RYR1: variants seen among roughly 807,000 people sequenced by gnomAD.
RYR1 encodes the protein central core disease of muscle.
A neutral mutation model predicts 583.5 loss-of-function variants in RYR1; 342 were observed. The ratio of observed to expected loss-of-function variants is 0.59; its 90% CI spans 0.54 to 0.64. RYR1 has a LOEUF of 0.64. RYR1 is among the 30% of genes least tolerant of loss of function. The pLI, the probability that RYR1 is intolerant of heterozygous loss-of-function variation, is 0.00. For missense variants in RYR1, 6,032 were observed against 6,917.2 expected (o/e 0.87, Z 4.54); for synonymous variants, 2,791 against 2,822.5 (o/e 0.99, Z 0.35).
chr19:38,538,225 C>A (rs1426297719), intron 84 of RYR1, among the ~76,000 whole-genome samples: 1 of 152,068 alleles, frequency 6.6e-6, no homozygotes. Flanking sequence ...TGGTGAAACC[C>A]CGTCTCTACT....
Position 38,580,354 on chromosome 19 carries a change from C to T in RYR1, c.14512-16C>T. ...AAGCCCAGGGCGGAGCTGACCTGGC[C>T]CCATCCTGCCCCCAGCTGGTGATGA... On this transcript the variant is annotated splice_polypyrimidine_tract_variant and intron_variant, in intron 100 of 105. Coordinates refer to ENST00000359596, the MANE Select transcript of RYR1 (RefSeq NM_000540.3). The T allele has an allele frequency of 1.2e-6, 2 of 1,613,656 alleles. No individual in the cohort carries two copies. The highest frequency in any genetic ancestry group is 1.7e-6 in the Non-Finnish European group (2 of 1,179,932).
chr19:38,544,059 C>T (rs1165829129), intron 87 of RYR1, among the ~76,000 whole-genome samples, 184 bp downstream of exon 87: 4 of 152,210 alleles, frequency 2.6e-5, no homozygotes, highest in Non-Finnish European at 5.9e-5. Flanking sequence ...CCGCCTCCTC[C>T]TCTGCCCCTC....
In RYR1 at chr19:38,444,027, T is replaced by C; in HGVS notation, c.425-122T>C. ...GGGGAACTGTTAGGCAGAGAGTTGGTGGCAGTGATAGGAGAGTTGTGGGCC... is the reference window on the plus strand; with the variant it reads ...GGGGAACTGTTAGGCAGAGAGTTGGCGGCAGTGATAGGAGAGTTGTGGGCC... On this transcript the variant is annotated intron_variant, in intron 5 of 105. Coordinates refer to ENST00000359596, the MANE Select transcript of RYR1 (RefSeq NM_000540.3). The surrounding 1 kb of genome is among the most constrained non-coding windows in gnomAD (Gnocchi z 5.1). 1 of 883,992 alleles carries C rather than the reference T, an allele frequency of 1.1e-6. No individual in the cohort carries two copies. The highest frequency in any genetic ancestry group is 1.9e-6 in the Non-Finnish European group (1 of 532,462). 54.8% of individuals were successfully genotyped at this position (883,992 alleles called of 1,614,324 possible).
intron 24 of RYR1, among the ~76,000 whole-genome samples, chr19:38,466,781 G>A (rs1968135625): frequency 6.6e-6 from 1 of 152,080 alleles, no homozygotes; most frequent in African/African-American, 2.4e-5. Context: ...GATTACAGGC[G>A]TGAGCCACTG....
rs543568293 is a variant in RYR1 at position 38,527,905 on chromosome 19, G to A, written c.10824+121G>A. The A allele has an allele frequency of 1.2e-5, 14 of 1,192,876 alleles. No homozygotes were observed. The African/African-American group carries it at 1.8e-4, about 16-fold the overall frequency. 73.9% of individuals were successfully genotyped at this position (1,192,876 alleles called of 1,614,324 possible). On this transcript the variant is annotated intron_variant, in intron 73 of 105. Transcript: ENST00000359596. ...ATTAAGTTTTGGGGCAGGGCAGGAG[G>A]TGGAGCCTCGAGTTTAAGGCGAGGC...
chr19:38,447,810 C>G (rs570964717), intron 9 of RYR1, among the ~76,000 whole-genome samples: 1 of 149,918 alleles, frequency 6.7e-6, no homozygotes, highest in South Asian at 2.1e-4. Flanking sequence ...CCACTGCACT[C>G]CAGCCTGGGC....
chr19:38,471,599 C>T (rs931319063), intron 27 of RYR1, among the ~76,000 whole-genome samples: 3 of 151,354 alleles, frequency 2.0e-5, no homozygotes, highest in African/African-American at 7.3e-5. Context: ...GAAAAAAGAC[C>T]CCTAAAGAGT....
intron 101 of RYR1, among the ~76,000 whole-genome samples, chr19:38,583,635 C>T (rs1322967273): frequency 6.6e-6 from 1 of 152,112 alleles, no homozygotes; most frequent in Non-Finnish European, 1.5e-5. Context: ...AGGGCTGGCC[C>T]TGCCTGGGTC....
chr19:38,525,601 C>T (rs1271362874), intron 71 of RYR1, 99 bp downstream of exon 71: 4 of 1,330,544 alleles, frequency 3.0e-6, no homozygotes, highest in Admixed American at 2.0e-5. Flanking sequence ...CACTGAGCCC[C>T]CCAGGTCCCT....
chr19:38,560,721 C>A, intron 89 of RYR1, among the ~76,000 whole-genome samples: 1 of 119,442 alleles, frequency 8.4e-6, no homozygotes. Context: ...AAGAGCGAAA[C>A]TCCGTCTCAA....
chr19:38,524,937 G>A (rs1181051446), intron 70 of RYR1, among the ~76,000 whole-genome samples: 1 of 152,104 alleles, frequency 6.6e-6, no homozygotes, highest in Admixed American at 6.6e-5. Context: ...AAATCTGGAT[G>A]GGCCTGGGTT....
chr19:38,586,774 C>T (rs1252993077), intron 105 of RYR1, among the ~76,000 whole-genome samples, 198 bp downstream of exon 105: 4 of 151,982 alleles, frequency 2.6e-5, no homozygotes, highest in Admixed American at 2.6e-4. Flanking sequence ...AGTTCAAGAC[C>T]AGCCTGGCCA....
At position 38,535,139 on chromosome 19, in the gene RYR1, A is replaced by G. The variant is rs767392629; in HGVS notation, c.11360-2A>G. On this transcript the variant is annotated splice_acceptor_variant, in intron 79 of 105. Transcript: ENST00000359596. LOFTEE classifies it high-confidence loss of function. ...CCATCTTTTTTCTCCCACTCCCTCC[A>G]GGAGAGACAGGTGCCATGGTGTCCT... The G allele has an allele frequency of 1.2e-6, 2 of 1,613,500 alleles. No individual in the cohort carries two copies. The highest frequency in any genetic ancestry group is 2.2e-5 in the East Asian group (1 of 44,886).
chr19:38,581,814 G>A (rs375746715), intron 101 of RYR1, among the ~76,000 whole-genome samples: 2 of 150,346 alleles, frequency 1.3e-5, no homozygotes, highest in Admixed American at 6.6e-5. Context: ...CACAATGTTG[G>A]CCAGGCTTGT....
chr19:38,534,849 C>T (rs374867322), intron 79 of RYR1, 30 bp downstream of exon 79: 28 of 1,589,216 alleles, frequency 1.8e-5, no homozygotes, highest in Admixed American at 1.1e-4. Flanking sequence ...TGGACTCTTC[C>T]GAGTGCACTC....
rs367753248 is a variant in RYR1, at chr19:38,495,809, C to T, written c.6549-406C>T. ...TTTGAGATGGAGTCTTGCTCTGTTG[C>T]CAAGCCTGGAGTGCGCAATGTCTGC... On this transcript the variant is annotated intron_variant, in intron 39 of 105. Transcript: ENST00000359596. Among the ~76,000 whole-genome samples, 110 of 152,138 alleles carry T rather than the reference C, an allele frequency of 7.2e-4. 3 individuals are homozygous for T. In the South Asian group the frequency reaches 0.016, roughly 22 times the overall value.
intron 101 of RYR1, among the ~76,000 whole-genome samples, chr19:38,580,994 G>T (rs1264408703): frequency 1.3e-5 from 2 of 151,738 alleles, no homozygotes; most frequent in African/African-American, 4.8e-5. Flanking sequence ...CGCTTCCTGG[G>T]TTCAAGTGAT....
At chr19:38,454,282 C>G in intron 13 of RYR1, among the ~76,000 whole-genome samples, 1 of 152,198 alleles carries the variant, frequency 6.6e-6, no homozygotes. Context: ...TCAGGTGATC[C>G]ACCCGCCTCC....
intron 66 of RYR1, among the ~76,000 whole-genome samples, chr19:38,518,351 G>C (rs1196609322): frequency 6.8e-6 from 1 of 147,972 alleles, no homozygotes; most frequent in Non-Finnish European, 1.5e-5. Context: ...CTTGAGACCA[G>C]GAGTTCAAGA....
Sources: gnomAD v4.1 joint callset for allele counts (sites outside exome capture counted in the v4.1 genomes callset) on GRCh38, gnomAD v4.1.1 for gene constraint, Gnocchi (gnomAD v3.1) non-coding constraint, MANE v1.5 for transcripts, NCBI Gene and HGNC (gene_info 2026-07-23, HGNC 2026-07-21) for gene names.